The following ADIPOR2 variants were observed in gnomAD, a reference collection of about 807,000 sequenced individuals.
ADIPOR2 encodes the protein adiponectin receptor protein 2.
ADIPOR2 carries 18 observed loss-of-function variants against 40.9 expected under a neutral mutation model. That is an observed-to-expected ratio of 0.44 (90% confidence interval 0.30 to 0.65). The LOEUF (loss-of-function observed/expected upper bound fraction) is 0.65, where lower values mean the gene tolerates loss of function less well. Ranked by LOEUF, ADIPOR2 falls within the 30% of genes least tolerant of loss-of-function variation. ADIPOR2 has a pLI of 0.09. For missense variants in ADIPOR2, 283 were observed against 479.2 expected (o/e 0.59, Z 3.82); for synonymous variants, 165 against 166.4 (o/e 0.99, Z 0.06).
At chr12:1,720,280 C>T (rs1249452105) in intron 1 of ADIPOR2, among the ~76,000 whole-genome samples, 1 of 152,076 alleles carries the variant, frequency 6.6e-6, no homozygotes, top group Non-Finnish European at 1.5e-5. Flanking sequence ...TTGCCAGGCA[C>T]TATTTTAGGT....
At chr12:1,729,251 CT>C (rs776985309) in intron 1 of ADIPOR2, among the ~76,000 whole-genome samples, 3 of 151,968 alleles carry the variant, frequency 2.0e-5, no homozygotes, top group South Asian at 2.1e-4. Context: ...GGAATACTGG[CT>C]TTTGTGTATT....
intron 1 of ADIPOR2, among the ~76,000 whole-genome samples, chr12:1,740,579 G>C (rs1353957453): frequency 6.6e-6 from 1 of 152,158 alleles, no homozygotes; most frequent in African/African-American, 2.4e-5. Context: ...TAAAGTACTG[G>C]GGGTTAGGAC....
intron 1 of ADIPOR2, among the ~76,000 whole-genome samples, chr12:1,723,558 T>C (rs1470550770): frequency 6.6e-6 from 1 of 151,742 alleles, no homozygotes; most frequent in East Asian, 1.9e-4. Flanking sequence ...GAAGAATTGC[T>C]TGAAGCGAGA....
chr12:1,732,579 CT>C (rs1254461232), intron 1 of ADIPOR2, among the ~76,000 whole-genome samples: 1 of 152,218 alleles, frequency 6.6e-6, no homozygotes, highest in African/African-American at 2.4e-5. Flanking sequence ...ATCTTGGTTA[CT>C]TCCCAGTTTT....
chr12:1,780,869 A>ATT lies in ADIPOR2; in HGVS notation c.651-11_651-10dup. On this transcript the variant is annotated intron_variant, in intron 5 of 7. Coordinates refer to ENST00000357103, the MANE Select transcript of ADIPOR2 (RefSeq NM_024551.3). ...GTTTTTAAATTACTGCATTAAATGG[A>ATT]TTTTTTTTTTCTGTCATAGACTGGA... 9 of 1,478,304 alleles carry ATT rather than the reference A, an allele frequency of 6.1e-6. No homozygotes were observed. Among genetic ancestry groups the ATT allele is most frequent in the Admixed American group, 2.1e-5 (1 of 47,032 alleles). The allele number at this position is 1,478,304 out of a possible 1,614,324, so 91.6% of individuals were successfully genotyped here. A position where few individuals can be genotyped will look rare whatever the true frequency, so the allele number is the denominator to read the frequency against.
chr12:1,770,851 G>C (rs960879511), intron 2 of ADIPOR2, among the ~76,000 whole-genome samples: 1 of 152,172 alleles, frequency 6.6e-6, no homozygotes, highest in African/African-American at 2.4e-5. Context: ...ACAGAAGTCA[G>C]AAGAAGCAAT....
At chr12:1,696,368 CTCTTTT>C (rs2094638839) in intron 1 of ADIPOR2, 1 of 154,876 alleles carries the variant, frequency 6.5e-6, no homozygotes, top group Admixed American at 6.6e-5. Flanking sequence ...TTTCAGCCTT[CTCTTTT>C]TCTTTCTCTT....
chr12:1,700,096 C>G (rs763097989), intron 1 of ADIPOR2, among the ~76,000 whole-genome samples: 2 of 152,234 alleles, frequency 1.3e-5, no homozygotes. Flanking sequence ...TCATATTACA[C>G]ATTCTTACTG....
At chr12:1,740,905 T>G (rs892016061) in intron 1 of ADIPOR2, among the ~76,000 whole-genome samples, 3 of 152,128 alleles carry the variant, frequency 2.0e-5, no homozygotes, top group Admixed American at 1.3e-4. Context: ...TTAGAATGAT[T>G]AGTGTGACGG....
Position 1,784,082 on chromosome 12 carries a change from G to A in ADIPOR2, c.1032+9G>A, listed in dbSNP as rs774290090. 3 of 1,569,884 alleles carry A rather than the reference G, an allele frequency of 1.9e-6. No homozygotes were observed. The highest frequency in any genetic ancestry group is 2.6e-6 in the Non-Finnish European group (3 of 1,153,916). ...GCAAATGTGACATCTGGGTAAGTAT[G>A]TCGGGGTGACTGAGTGTGTAGGTAT... On this transcript the variant is annotated intron_variant, in intron 7 of 7. Transcript: ENST00000357103.
Position 1,786,612 on chromosome 12 carries a change from G to A in ADIPOR2, c.*540G>A, listed in dbSNP as rs1167419913. 6.5e-6 allele frequency: 1 copy of A among 152,984 alleles called. No individual in the cohort carries two copies. Among genetic ancestry groups the A allele is most frequent in the Non-Finnish European group, 1.5e-5 (1 of 68,318 alleles). 9.5% of individuals were successfully genotyped at this position (152,984 alleles called of 1,614,324 possible). On this transcript the variant is annotated 3_prime_UTR_variant, in exon 8 of 8. Transcript: ENST00000357103. ...ATGTTTAAAACATAGGGGTAAGGGAGGGAGGGAGAATTTTTGTATAGAATG... is the reference window on the plus strand; with the variant it reads ...ATGTTTAAAACATAGGGGTAAGGGAAGGAGGGAGAATTTTTGTATAGAATG...
chr12:1,701,813 T>C (rs1384314859), intron 1 of ADIPOR2, among the ~76,000 whole-genome samples: 1 of 152,228 alleles, frequency 6.6e-6, no homozygotes, highest in Admixed American at 6.5e-5. Flanking sequence ...TTAAGATTTT[T>C]GGCAAGTTTT....
chr12:1,774,109 G>T (rs966459345), intron 3 of ADIPOR2, among the ~76,000 whole-genome samples: 1 of 152,156 alleles, frequency 6.6e-6, no homozygotes, highest in South Asian at 2.1e-4. Context: ...GGATACAAAA[G>T]ATTATTTTGT....
chr12:1,699,265 T>G (rs2094645456), intron 1 of ADIPOR2, among the ~76,000 whole-genome samples: 1 of 152,024 alleles, frequency 6.6e-6, no homozygotes, highest in East Asian at 1.9e-4. Flanking sequence ...TACTGCTGAG[T>G]GAAGTGCTTT....
At chr12:1,756,761 A>G (rs759178575) in intron 2 of ADIPOR2, among the ~76,000 whole-genome samples, 6 of 152,068 alleles carry the variant, frequency 3.9e-5, no homozygotes, top group Non-Finnish European at 7.4e-5. Flanking sequence ...TGTCACTTGA[A>G]ACAGCATGGT....
chr12:1,773,565 T>A (rs1045409280), intron 3 of ADIPOR2, among the ~76,000 whole-genome samples: 4 of 150,032 alleles, frequency 2.7e-5, no homozygotes, highest in African/African-American at 7.3e-5. Context: ...TGAGTTTGCC[T>A]GCTTAGAGAA....
At chr12:1,773,535 T>TG (rs1491561393) in intron 3 of ADIPOR2, among the ~76,000 whole-genome samples, 158 of 119,570 alleles carry the variant, frequency 1.3e-3, no homozygotes, top group African/African-American at 4.2e-3. Flanking sequence ...TTTTTTTTTT[T>TG]CTAAAATAGT....
intron 1 of ADIPOR2, chr12:1,696,507 C>T (rs1227357432): frequency 1.3e-5 from 2 of 152,200 alleles, no homozygotes; most frequent in Non-Finnish European, 2.9e-5. Flanking sequence ...GTGATCCTCC[C>T]ACTTCAGCTT....
At position 1,734,950 on chromosome 12, in the gene ADIPOR2, C is replaced by G. The variant is rs1332708862; in HGVS notation, c.-86-19308C>G. Among the ~76,000 whole-genome samples, 3 of 152,088 alleles carry G rather than the reference C, an allele frequency of 2.0e-5. No homozygotes were observed. The East Asian group carries it at 5.8e-4, about 29-fold the overall frequency. ...CTATTTCTGAGGGCTCTGTTCTGGT[C>G]TATATCTCTGTTTTGGTACCAGTAC... On this transcript the variant is annotated intron_variant, in intron 1 of 7. Transcript: ENST00000357103.
Sources: allele counts gnomAD v4.1 joint callset (sites outside exome capture counted in the v4.1 genomes callset), GRCh38; gene constraint gnomAD v4.1.1; transcripts MANE v1.5; gene names NCBI Gene and HGNC (gene_info 2026-07-23, HGNC 2026-07-21).